The following FHL2 variants were observed in gnomAD, a reference collection of about 807,000 sequenced individuals.
FHL2 encodes the protein four and a half LIM domains protein 2.
Under a neutral mutation model 32.7 loss-of-function variants are expected in FHL2, and 20 were observed. The observed-to-expected ratio is 0.61, with a 90% CI of 0.43 to 0.89. FHL2 has a LOEUF of 0.89. Among genes scored for constraint, FHL2 ranks in the 40% least tolerant of loss-of-function variants. The pLI, the probability that FHL2 is intolerant of heterozygous loss-of-function variation, is 0.00. For synonymous variants in FHL2, 123 were observed against 128.1 expected (o/e 0.96, Z 0.27); for missense variants, 311 against 358.6 (o/e 0.87, Z 1.07).
intron 3 of FHL2, among the ~76,000 whole-genome samples, chr2:105,379,458 A>G (rs904048864): frequency 7.2e-5 from 11 of 152,302 alleles, no homozygotes; most frequent in Admixed American, 7.2e-4. Context: ...TTCATTTTAA[A>G]TCTAAAATTC....
chr2:105,370,482 T>G (rs1333474535), intron 4 of FHL2, among the ~76,000 whole-genome samples: 1 of 152,094 alleles, frequency 6.6e-6, no homozygotes, highest in Non-Finnish European at 1.5e-5. Flanking sequence ...AAGCAACGTC[T>G]GCTAATAGGG....
At chr2:105,369,181 G>T (rs1468129490) in intron 4 of FHL2, among the ~76,000 whole-genome samples, 7 of 152,192 alleles carry the variant, frequency 4.6e-5, no homozygotes, top group Non-Finnish European at 1.5e-5. Context: ...CTTCAACTGG[G>T]GGTCAGGGAA....
chr2:105,424,525 G>A (rs1460488931), intron 1 of FHL2, among the ~76,000 whole-genome samples: 1 of 152,170 alleles, frequency 6.6e-6, no homozygotes, highest in Admixed American at 6.5e-5. Flanking sequence ...TCCCATTACT[G>A]GGTATATACC....
upstream of FHL2, among the ~76,000 whole-genome samples, chr2:105,403,424 A>G (rs751995924): frequency 2.5e-4 from 38 of 152,190 alleles, no homozygotes; most frequent in Non-Finnish European, 3.8e-4. Context: ...TTATCCTGAC[A>G]TTCCTTCTTG....
intron 1 of FHL2, among the ~76,000 whole-genome samples, chr2:105,416,934 G>A (rs1350878708): frequency 6.6e-6 from 1 of 152,230 alleles, no homozygotes; most frequent in Non-Finnish European, 1.5e-5. Flanking sequence ...TGCTTTGTCT[G>A]TCAGTTGTTC....
Position 105,367,211 on chromosome 2 carries a change from G to A in FHL2, c.501+359C>T, listed in dbSNP as rs890942247. ...CCTTCCATCTTTCTCTCCCTCTCAAGTTTGCAGTTGTTTTCTTGTTTTATT... is the reference window on the plus strand; with the variant it reads ...CCTTCCATCTTTCTCTCCCTCTCAAATTTGCAGTTGTTTTCTTGTTTTATT... On this transcript the variant is annotated intron_variant, in intron 5 of 6. Coordinates refer to ENST00000530340, the MANE Select transcript of FHL2 (RefSeq NM_001318895.3). Among the ~76,000 whole-genome samples the A allele has an allele frequency of 4.6e-5, 7 of 152,126 alleles. No homozygotes were observed. In the East Asian group the frequency reaches 1.4e-3, roughly 29 times the overall value.
chr2:105,377,962 A>G (rs1447988723), intron 3 of FHL2: 5 of 441,046 alleles, frequency 1.1e-5, no homozygotes, highest in South Asian at 5.1e-5. Flanking sequence ...GAAGAGAAAT[A>G]CAATTTCTAG....
chr2:105,381,253 T>G (rs770901270), intron 3 of FHL2, among the ~76,000 whole-genome samples: 10 of 152,174 alleles, frequency 6.6e-5, no homozygotes, highest in Non-Finnish European at 1.3e-4. Context: ...TTTCCAACTG[T>G]ACATTCTTTC....
intron 3 of FHL2, among the ~76,000 whole-genome samples, chr2:105,379,814 C>T (rs971503950): frequency 6.6e-6 from 1 of 152,226 alleles, no homozygotes; most frequent in South Asian, 2.1e-4. Flanking sequence ...CTGCAAGTCC[C>T]AGCTGAAATC....
chr2:105,383,293 C>A (rs983133663), intron 3 of FHL2, among the ~76,000 whole-genome samples: 1 of 152,174 alleles, frequency 6.6e-6, no homozygotes, highest in African/African-American at 2.4e-5. Flanking sequence ...TAACAGGTAT[C>A]CAAGAAAAGG....
chr2:105,365,936 G>A (rs1410286111), intron 5 of FHL2, among the ~76,000 whole-genome samples: 2 of 152,178 alleles, frequency 1.3e-5, no homozygotes, highest in Non-Finnish European at 2.9e-5. Flanking sequence ...CAGGCATGGT[G>A]GCTCACGCCT....
At chr2:105,398,272 C>G (rs1002624312) in intron 1 of FHL2, among the ~76,000 whole-genome samples, 1 of 151,032 alleles carries the variant, frequency 6.6e-6, no homozygotes, top group Admixed American at 6.6e-5. Flanking sequence ...AGATATCACA[C>G]GAGTGCGACT....
intron 1 of FHL2, among the ~76,000 whole-genome samples, chr2:105,417,113 G>A (rs1231455200): frequency 6.6e-6 from 1 of 152,216 alleles, no homozygotes; most frequent in African/African-American, 2.4e-5. Flanking sequence ...GCCGGGCGCG[G>A]TGGCTCACGC....
rs1032624983 is a variant in FHL2, at chr2:105,386,637, C to A, written c.-24-97G>T. 7.3e-5 allele frequency: 74 copies of A among 1,012,106 alleles called. No homozygotes were observed. The Admixed American group carries it at 1.7e-3, about 23-fold the overall frequency. The allele number at this position is 1,012,106 out of a possible 1,614,324, so 62.7% of individuals were successfully genotyped here. A position where few individuals can be genotyped will look rare whatever the true frequency, so the allele number is the denominator to read the frequency against. ...TGTCCCACTGTCTGTCATCTTTAGC[C>A]GAAAGGTGGCTAATTCCTCTGGATG... is the stretch of plus-strand genomic sequence containing the variant. On this transcript the variant is annotated intron_variant, in intron 2 of 6. Transcript: ENST00000530340.
intron 1 of FHL2, among the ~76,000 whole-genome samples, chr2:105,413,897 C>T (rs967058170): frequency 6.6e-6 from 1 of 152,150 alleles, no homozygotes; most frequent in Non-Finnish European, 1.5e-5. Flanking sequence ...TAGAAGACAC[C>T]AGCTGGGTGT....
At chr2:105,372,709 A>T (rs2104528739) in intron 4 of FHL2, among the ~76,000 whole-genome samples, 1 of 152,060 alleles carries the variant, frequency 6.6e-6, no homozygotes, top group African/African-American at 2.4e-5. Context: ...GAATCTCTTG[A>T]ACCTGGGAGG....
intron 1 of FHL2, among the ~76,000 whole-genome samples, chr2:105,398,041 T>C (rs550645047): frequency 1.3e-5 from 2 of 152,164 alleles, no homozygotes; most frequent in African/African-American, 4.8e-5. Flanking sequence ...TAAACCCAAA[T>C]TGTGATTTAT....
At chr2:105,403,148 T>A (rs1271642577), upstream of FHL2, among the ~76,000 whole-genome samples, 7 of 152,244 alleles carry the variant, frequency 4.6e-5, no homozygotes, top group African/African-American at 1.7e-4. Flanking sequence ...TGGCATGAAG[T>A]AGGCCCTTTG....
Position 105,361,042 on chromosome 2 carries a change from C to A in FHL2, c.*241G>T. The stretch of plus-strand genomic sequence containing the variant: ...GATTTTTACATTTGGGTGTGCCTTA[C>A]TCGATTACAAAAATTTCAAACCATC... On this transcript the variant is annotated 3_prime_UTR_variant, in exon 7 of 7. Transcript: ENST00000530340. 2.6e-6 allele frequency: 1 copy of A among 389,624 alleles called. No homozygotes were observed. Among genetic ancestry groups the A allele is most frequent in the Non-Finnish European group, 4.6e-6 (1 of 217,790 alleles). The allele number at this position is 389,624 out of a possible 1,614,324, so 24.1% of individuals were successfully genotyped here.
Sources: allele counts gnomAD v4.1 joint callset (sites outside exome capture counted in the v4.1 genomes callset), GRCh38; gene constraint gnomAD v4.1.1; transcripts MANE v1.5; gene names NCBI Gene and HGNC (gene_info 2026-07-23, HGNC 2026-07-21).